Variants in FAR1 observed in about 807,000 individuals in gnomAD.
The protein encoded by FAR1 is fatty acyl-CoA reductase 1, also known as male sterility domain-containing protein 2.
FAR1 carries 22 observed loss-of-function variants against 61.1 expected under a neutral mutation model. The observed-to-expected ratio is 0.36, with a 90% CI of 0.26 to 0.51. The LOEUF (loss-of-function observed/expected upper bound fraction) is 0.51, where lower values mean the gene tolerates loss of function less well. Ranked by LOEUF, FAR1 falls within the 20% of genes least tolerant of loss-of-function variation. The pLI, the probability that FAR1 is intolerant of heterozygous loss-of-function variation, is 0.95. For missense variants in FAR1, 359 were observed against 626.9 expected, an observed-to-expected ratio of 0.57 and a Z score of 4.56; for synonymous variants, 206 against 209.7, an observed-to-expected ratio of 0.98 and a Z score of 0.15.
Position 13,694,884 on chromosome 11 carries a change from T to C in FAR1, c.119T>C (p.Val40Ala). ...AGGTCTTGTCCTAAGGTGAATTCAG[T>C]ATATGTTTTGGTGAGGCAGAAAGCT... ...LLRSCPKVNSVYVLVRQKAGQ... is the reference protein window; with the variant it reads ...LLRSCPKVNSAYVLVRQKAGQ... The change falls in exon 2 of 12, where the codon GTA becomes GCA. Residue 40 changes from valine (V) to alanine (A), a missense_variant. This residue lies in a region of FAR1 where 344 missense variants were observed against 570.3 expected (regional missense o/e 0.60). Transcript: ENST00000354817. 1 of 1,614,024 alleles carries C rather than the reference T, an allele frequency of 6.2e-7. No individual in the cohort carries two copies. Among genetic ancestry groups the C allele is most frequent in the Non-Finnish European group, 8.5e-7 (1 of 1,179,944 alleles).
At chr11:13,726,423 C>T (rs1848667218) in intron 10 of FAR1, among the ~76,000 whole-genome samples, 1 of 151,920 alleles carries the variant, frequency 6.6e-6, no homozygotes. Flanking sequence ...CTTTATTTCA[C>T]CTTTATTTTT....
intron 1 of FAR1, among the ~76,000 whole-genome samples, chr11:13,680,020 T>C (rs906871245): frequency 6.6e-6 from 1 of 152,136 alleles, no homozygotes; most frequent in Non-Finnish European, 1.5e-5. Flanking sequence ...AAAGTGGCCA[T>C]TATATCTACT....
chr11:13,720,469 A>AT (rs1386773534), intron 9 of FAR1: 13 of 152,098 alleles, frequency 8.5e-5, no homozygotes, highest in Admixed American at 8.5e-4. Flanking sequence ...ATTGCCTTAG[A>AT]TGCTTGATAA....
rs192247584 is a variant in FAR1, at chr11:13,670,522, C to G, written c.-8+1716C>G. The stretch of plus-strand genomic sequence containing the variant: ...GGCCAGGCTGGTCTCGAACCCCTGA[C>G]TTCAAGAGATCCATCCGCCTCGGCC... On this transcript the variant is annotated intron_variant, in intron 1 of 11. Coordinates refer to ENST00000354817, the MANE Select transcript of FAR1 (RefSeq NM_032228.6). Among the ~76,000 whole-genome samples, 40 of 152,230 alleles carry G rather than the reference C, an allele frequency of 2.6e-4. No homozygotes were observed. In the East Asian group the frequency reaches 5.8e-3, roughly 22 times the overall value.
intron 10 of FAR1, chr11:13,723,377 A>AG (rs1272546118): frequency 2.9e-5 from 12 of 418,674 alleles, no homozygotes; most frequent in Non-Finnish European, 4.6e-5. Flanking sequence ...AAAAAAAAAA[A>AG]AAAAAACCCC....
At position 13,730,691 on chromosome 11, in the gene FAR1, A is replaced by G. The variant is rs1331535740; in HGVS notation, c.*1917A>G. ...TGTGTGTCTTGCAAAAGAGTTGGGG[A>G]CAACTTGGGCAGGCCTATGAAGTGC... On this transcript the variant is annotated 3_prime_UTR_variant, in exon 12 of 12. Transcript: ENST00000354817. The G allele has an allele frequency of 6.6e-6, 1 of 152,062 alleles. No individual in the cohort carries two copies. Among genetic ancestry groups the G allele is most frequent in the Non-Finnish European group, 1.5e-5 (1 of 67,974 alleles). 9.4% of individuals were successfully genotyped at this position (152,062 alleles called of 1,614,324 possible). A position where few individuals can be genotyped will look rare whatever the true frequency, so the allele number is the denominator to read the frequency against.
chr11:13,689,800 A>G (rs567233401), intron 1 of FAR1, among the ~76,000 whole-genome samples: 1 of 149,152 alleles, frequency 6.7e-6, no homozygotes, highest in South Asian at 2.2e-4. Flanking sequence ...GGGTCAGTGT[A>G]GTGGGATCAC....
At chr11:13,674,305 T>C (rs901419274) in intron 1 of FAR1, among the ~76,000 whole-genome samples, 1 of 142,726 alleles carries the variant, frequency 7.0e-6, no homozygotes, top group African/African-American at 2.6e-5. Context: ...CAAGACTCCG[T>C]CTCAAAAAAA....
intron 11 of FAR1, 109 bp from the exon 12 acceptor site, chr11:13,728,503 T>TTAATATGGATTTGAGCTTTGATTA: frequency 9.9e-7 from 1 of 1,012,480 alleles, no homozygotes; most frequent in Non-Finnish European, 1.5e-6. Context: ...AAGTTTCAAA[T>TTAATATGGATTTGAGCTTTGATTA]TAATATGGAT....
chr11:13,689,132 AC>A (rs1258974678), intron 1 of FAR1, among the ~76,000 whole-genome samples: 16 of 152,248 alleles, frequency 1.1e-4, no homozygotes, highest in African/African-American at 3.9e-4. Context: ...GCAAACTAGG[AC>A]ATATGATCCC....
At position 13,714,636 on chromosome 11, in the gene FAR1, A is replaced by T. The variant is rs1420121656; in HGVS notation, c.1083A>T (p.Ala361=). The change falls in exon 9 of 12, where the codon GCA becomes GCT. Residue 361 remains alanine (A), a synonymous_variant. Transcript: ENST00000354817. The part of the protein sequence containing the change: ...YWIAVSHKAP[A]FLYDIYLRMT... The stretch of plus-strand genomic sequence containing the variant: ...TTGCTGTAAGCCATAAGGCCCCAGC[A>T]TTCCTGTATGATATCTACCTCAGGA... 3 of 1,613,244 alleles carry T rather than the reference A, an allele frequency of 1.9e-6. No individual in the cohort carries two copies. The highest frequency in any genetic ancestry group is 2.5e-6 in the Non-Finnish European group (3 of 1,179,580).
chr11:13,676,722 T>G (rs979709120), intron 1 of FAR1, among the ~76,000 whole-genome samples: 2 of 152,200 alleles, frequency 1.3e-5, no homozygotes, highest in African/African-American at 4.8e-5. Context: ...AACAGGTGAA[T>G]TAGCTGGTAA....
chr11:13,678,823 T>G (rs1848095504), intron 1 of FAR1, among the ~76,000 whole-genome samples: 1 of 152,148 alleles, frequency 6.6e-6, no homozygotes. Context: ...CTAGCACCAT[T>G]TACCACAAAT....
At chr11:13,702,795 T>C (rs1254247721) in intron 3 of FAR1, among the ~76,000 whole-genome samples, 7 of 152,146 alleles carry the variant, frequency 4.6e-5, no homozygotes, top group Non-Finnish European at 1.0e-4. Context: ...ACAGGAAACA[T>C]TGATTAGGGT....
chr11:13,713,733 T>A (rs1848526062), intron 8 of FAR1, among the ~76,000 whole-genome samples: 1 of 152,182 alleles, frequency 6.6e-6, no homozygotes, highest in Non-Finnish European at 1.5e-5. Context: ...GTAGATTTTT[T>A]ATGACATTTG....
chr11:13,707,266 A>T (rs1379342869), intron 3 of FAR1, among the ~76,000 whole-genome samples: 1 of 152,174 alleles, frequency 6.6e-6, no homozygotes, highest in Non-Finnish European at 1.5e-5. Flanking sequence ...CCAAGAAGGG[A>T]ATATATAGAT....
intron 1 of FAR1, among the ~76,000 whole-genome samples, chr11:13,678,301 G>A (rs1343166986): frequency 6.6e-6 from 1 of 152,116 alleles, no homozygotes; most frequent in Non-Finnish European, 1.5e-5. Context: ...GTCTCGCTGT[G>A]TCGCCCAGGA....
chr11:13,684,308 A>G (rs1848162531), intron 1 of FAR1, among the ~76,000 whole-genome samples: 1 of 152,248 alleles, frequency 6.6e-6, no homozygotes, highest in Non-Finnish European at 1.5e-5. Flanking sequence ...GAAGGAAAAC[A>G]TAGGTTGAGC....
intron 9 of FAR1, chr11:13,719,951 G>GTAGT (rs1848593213): frequency 6.6e-6 from 1 of 152,200 alleles, no homozygotes; most frequent in Non-Finnish European, 1.5e-5. Flanking sequence ...ACCTGGCAAT[G>GTAGT]TAGTCATAAA....
Sources: gnomAD v4.1 joint callset for allele counts (sites outside exome capture counted in the v4.1 genomes callset) on GRCh38, gnomAD v4.1.1 for gene constraint, gnomAD v4.1.1 regional missense constraint, MANE v1.5 for transcripts, NCBI Gene and HGNC (gene_info 2026-07-23, HGNC 2026-07-21) for gene names.